PCSK1: variants seen among roughly 807,000 people sequenced by gnomAD.
PCSK1 encodes the protein proprotein convertase subtilisin/kexin type 1.
A neutral mutation model predicts 90.6 loss-of-function variants in PCSK1; 56 were observed. The ratio of observed to expected loss-of-function variants is 0.62; its 90% CI spans 0.50 to 0.77. PCSK1 has a LOEUF of 0.77. PCSK1 is among the 30% of genes least tolerant of loss of function. The probability of loss-of-function intolerance (pLI) is 0.00; values close to 1 mark genes in which losing one functional copy is unlikely to be tolerated. For synonymous variants in PCSK1, 348 were observed against 342.4 expected, an observed-to-expected ratio of 1.02 and a Z score of -0.18; for missense variants, 801 against 932.6, an observed-to-expected ratio of 0.86 and a Z score of 1.84.
chr5:96,400,270 T>G (rs895652831), intron 9 of PCSK1, 84 bp from the exon 10 acceptor site: 2 of 904,528 alleles, frequency 2.2e-6, no homozygotes, highest in African/African-American at 3.3e-5. Flanking sequence ...AGCATCTCCA[T>G]TCAGGGATTA....
At chr5:96,431,111 C>T (rs1761476951) in intron 1 of PCSK1, among the ~76,000 whole-genome samples, 1 of 152,142 alleles carries the variant, frequency 6.6e-6, no homozygotes, top group Non-Finnish European at 1.5e-5. Flanking sequence ...AGTGTCCACC[C>T]CCATAGGTCA....
chr5:96,430,565 T>C (rs1026703060), intron 1 of PCSK1, among the ~76,000 whole-genome samples: 2 of 152,320 alleles, frequency 1.3e-5, no homozygotes, highest in East Asian at 3.9e-4. Flanking sequence ...GTCACTACCT[T>C]AATCCAAGCT....
At chr5:96,405,867 G>A (rs779335391) in intron 9 of PCSK1, among the ~76,000 whole-genome samples, 14 of 152,128 alleles carry the variant, frequency 9.2e-5, no homozygotes, top group African/African-American at 2.7e-4. Context: ...GGCTAGGCAC[G>A]GCTAGTTATA....
At chr5:96,413,056 C>A (rs996174112) in intron 6 of PCSK1, 2 of 589,074 alleles carry the variant, frequency 3.4e-6, no homozygotes. Flanking sequence ...GATCTAGTCA[C>A]AACAGGAAAC....
intron 7 of PCSK1, 66 bp downstream of exon 7, chr5:96,412,252 C>G: frequency 7.6e-7 from 1 of 1,313,556 alleles, no homozygotes; most frequent in Non-Finnish European, 1.1e-6. Context: ...CCTAAGTGTT[C>G]TTTCCTTCTC....
At chr5:96,415,220 G>A (rs961930254) in intron 6 of PCSK1, among the ~76,000 whole-genome samples, 4 of 152,060 alleles carry the variant, frequency 2.6e-5, no homozygotes, top group Middle Eastern at 3.2e-3. Flanking sequence ...CTTCCCATTG[G>A]GTTCAGCCAA....
chr5:96,403,679 A>T (rs2112407057), intron 9 of PCSK1, among the ~76,000 whole-genome samples: 1 of 152,342 alleles, frequency 6.6e-6, no homozygotes, highest in East Asian at 1.9e-4. Flanking sequence ...ATTAGAAGAG[A>T]TGTAGGTAAT....
At chr5:96,419,322 TATATAA>T (rs1761041378) in intron 5 of PCSK1, among the ~76,000 whole-genome samples, 1 of 147,652 alleles carries the variant, frequency 6.8e-6, no homozygotes, top group South Asian at 2.1e-4. Flanking sequence ...TATATATATA[TATATAA>T]AACCTCACTT....
rs1760014369 is a variant in PCSK1 at position 96,393,249 on chromosome 5, G to T, written c.2014C>A (p.Gln672Lys). ...GGTGAGTTTTTACTGAAAGCACTTT[G>T]CAGGAGTCGCAGCATGGCCTGGGAA... Reference protein sequence around the residue: ...APSQAMLRLLQSAFSKNSPPK... With the variant: ...APSQAMLRLLKSAFSKNSPPK... The change falls in exon 14 of 14, where the codon CAA becomes AAA. Residue 672 changes from glutamine (Q) to lysine (K), a missense_variant. Transcript: ENST00000311106. 1 of 1,614,004 alleles carries T rather than the reference G, an allele frequency of 6.2e-7. No homozygotes were observed. Among genetic ancestry groups the T allele is most frequent in the South Asian group, 1.1e-5 (1 of 91,072 alleles).
chr5:96,399,757 C>A (rs79675913), intron 10 of PCSK1, among the ~76,000 whole-genome samples, 196 bp downstream of exon 10: 1,557 of 152,212 alleles, frequency 0.01, 26 homozygotes, highest in African/African-American at 0.036. Flanking sequence ...ACAAGAGGAA[C>A]ATGCAAATGG....
At chr5:96,401,466 T>C (rs570109590) in intron 9 of PCSK1, among the ~76,000 whole-genome samples, 1 of 152,212 alleles carries the variant, frequency 6.6e-6, no homozygotes, top group African/African-American at 2.4e-5. Context: ...ACTTTATCTT[T>C]TGGGCAGTGG....
chr5:96,408,129 T>G, intron 9 of PCSK1, 94 bp downstream of exon 9: 1 of 860,766 alleles, frequency 1.2e-6, no homozygotes, highest in Non-Finnish European at 1.9e-6. Context: ...ATTCCAAAAT[T>G]TCTCCTGTAA....
chr5:96,413,013 A>G (rs1227680220), intron 6 of PCSK1: 2 of 963,338 alleles, frequency 2.1e-6, no homozygotes, highest in Non-Finnish European at 2.5e-6. Flanking sequence ...ACGCCACACA[A>G]GGACTCTGGA....
At chr5:96,423,262 G>T (rs1761181385) in intron 4 of PCSK1, 51 bp downstream of exon 4, 9 of 1,556,422 alleles carry the variant, frequency 5.8e-6, no homozygotes, top group Non-Finnish European at 7.9e-6. Context: ...CTAACTGTGT[G>T]TCTGCACAGA....
At chr5:96,432,224 C>A in intron 1 of PCSK1, 1 of 1,080,888 alleles carries the variant, frequency 9.3e-7, no homozygotes, top group South Asian at 1.4e-5. Context: ...CCTAGAGAGT[C>A]GCGGGGATAG....
intron 13 of PCSK1, 137 bp downstream of exon 13, chr5:96,394,727 T>C: frequency 1.3e-6 from 1 of 768,866 alleles, no homozygotes; most frequent in Non-Finnish European, 2.3e-6. Flanking sequence ...TGGAAAAGAA[T>C]AGTTTACCAC....
At chr5:96,418,328 A>G (rs578201097) in intron 5 of PCSK1, among the ~76,000 whole-genome samples, 2 of 152,214 alleles carry the variant, frequency 1.3e-5, no homozygotes, top group South Asian at 2.1e-4. Context: ...CATTTAAACA[A>G]AATGATTTGT....
Position 96,392,770 on chromosome 5 carries a change from T to C in PCSK1, c.*231A>G. On this transcript the variant is annotated 3_prime_UTR_variant, in exon 14 of 14. Transcript: ENST00000311106. ...TCCAGAAAGAACAAAACACTTCACTTGTGCAGACAGGAAAGATGTGTTTTG... is the reference window on the plus strand; with the variant it reads ...TCCAGAAAGAACAAAACACTTCACTCGTGCAGACAGGAAAGATGTGTTTTG... 1.7e-6 allele frequency: 1 copy of C among 574,558 alleles called. No homozygotes were observed. The allele number at this position is 574,558 out of a possible 1,614,324, so 35.6% of individuals were successfully genotyped here.
At chr5:96,393,406 G>A (rs1433814078) in intron 13 of PCSK1, 28 bp from the exon 14 acceptor site, 2 of 1,612,576 alleles carry the variant, frequency 1.2e-6, no homozygotes. Context: ...ATCCACAAAG[G>A]GAAGAAGGTT....
Sources: allele counts gnomAD v4.1 joint callset (sites outside exome capture counted in the v4.1 genomes callset), GRCh38; gene constraint gnomAD v4.1.1; transcripts MANE v1.5; gene names NCBI Gene and HGNC (gene_info 2026-07-23, HGNC 2026-07-21).